The following ADK variants were observed in gnomAD, a reference collection of about 807,000 sequenced individuals.
ADK encodes adenosine kinase.
In ADK, 24 loss-of-function variants were observed where a neutral mutation model predicts 44.7. The observed-to-expected ratio is 0.54, with a 90% CI of 0.39 to 0.76. ADK has a LOEUF of 0.76. Among genes scored for constraint, ADK ranks in the 30% least tolerant of loss-of-function variants. The pLI, the probability that ADK is intolerant of heterozygous loss-of-function variation, is 0.00. For missense variants in ADK, 321 were observed against 425.1 expected (o/e 0.76, Z 2.15); for synonymous variants, 128 against 142.6 (o/e 0.90, Z 0.73).
At chr10:74,255,359 G>A (rs995847253) in intron 3 of ADK, among the ~76,000 whole-genome samples, 2 of 151,644 alleles carry the variant, frequency 1.3e-5, no homozygotes, top group Non-Finnish European at 2.9e-5. Context: ...ATTTCCAAAT[G>A]ATCACCAAAA....
intron 4 of ADK, among the ~76,000 whole-genome samples, chr10:74,361,782 A>G (rs1301263561): frequency 2.0e-5 from 3 of 152,200 alleles, no homozygotes; most frequent in Admixed American, 1.3e-4. Context: ...TTGTTTGTCT[A>G]AGAAAGTCTT....
At chr10:74,282,782 C>A (rs1042858759) in intron 3 of ADK, among the ~76,000 whole-genome samples, 1 of 152,088 alleles carries the variant, frequency 6.6e-6, no homozygotes, top group Non-Finnish European at 1.5e-5. Context: ...ATGATATCTT[C>A]TAGTATAAGA....
intron 4 of ADK, among the ~76,000 whole-genome samples, chr10:74,389,405 T>A (rs779709704): frequency 1.3e-5 from 2 of 152,236 alleles, no homozygotes; most frequent in Non-Finnish European, 2.9e-5. Flanking sequence ...TAGTTGGATG[T>A]TGGTGAAACA....
intron 6 of ADK, among the ~76,000 whole-genome samples, chr10:74,504,125 A>G (rs1361627708): frequency 6.6e-6 from 1 of 152,238 alleles, no homozygotes; most frequent in Non-Finnish European, 1.5e-5. Context: ...AGGGTACTGC[A>G]GCAGACTCAC....
chr10:74,523,942 G>A (rs529369305), intron 6 of ADK, among the ~76,000 whole-genome samples: 30 of 152,068 alleles, frequency 2.0e-4, no homozygotes, highest in African/African-American at 3.6e-4. Context: ...TTCCTTTCAC[G>A]GAAATATTCA....
intron 2 of ADK, among the ~76,000 whole-genome samples, chr10:74,215,938 G>A (rs927894002): frequency 1.3e-5 from 2 of 151,916 alleles, no homozygotes; most frequent in Admixed American, 6.6e-5. Flanking sequence ...TTACAGGCGT[G>A]AGCCACCGCG....
At chr10:74,665,432 A>T (rs1436837617) in intron 9 of ADK, among the ~76,000 whole-genome samples, 1 of 151,962 alleles carries the variant, frequency 6.6e-6, no homozygotes, top group African/African-American at 2.4e-5. Context: ...GTAGTGACTG[A>T]ATTTTACCTT....
chr10:74,491,933 C>G (rs1206851343), intron 6 of ADK, among the ~76,000 whole-genome samples: 2 of 151,990 alleles, frequency 1.3e-5, no homozygotes, highest in Non-Finnish European at 2.9e-5. Flanking sequence ...CAAGACAAGT[C>G]TCAGAGTTGT....
chr10:74,532,231 C>T (rs1355648015), intron 7 of ADK, among the ~76,000 whole-genome samples: 1 of 151,960 alleles, frequency 6.6e-6, no homozygotes, highest in Admixed American at 6.6e-5. Context: ...GGCATGGTGG[C>T]TCATGCCTGC....
chr10:74,480,879 A>G (rs1589154248), intron 6 of ADK, among the ~76,000 whole-genome samples: 1 of 152,140 alleles, frequency 6.6e-6, no homozygotes, highest in African/African-American at 2.4e-5. Context: ...TTCTTAGACT[A>G]TATTTTAAAT....
intron 4 of ADK, among the ~76,000 whole-genome samples, chr10:74,359,764 T>G (rs889655694): frequency 6.6e-6 from 1 of 152,170 alleles, no homozygotes; most frequent in Non-Finnish European, 1.5e-5. Context: ...AACAACAGTC[T>G]TTCAATTCCA....
intron 6 of ADK, among the ~76,000 whole-genome samples, chr10:74,405,912 C>G (rs10824170): frequency 0.64 from 97,429 of 151,866 alleles, 32,674 homozygotes; most frequent in Middle Eastern, 0.8. Flanking sequence ...CAGGTACTGA[C>G]CTTAAGAAAA....
intron 9 of ADK, among the ~76,000 whole-genome samples, chr10:74,613,938 T>A (rs1042041269): frequency 6.6e-6 from 1 of 152,128 alleles, no homozygotes; most frequent in Non-Finnish European, 1.5e-5. Flanking sequence ...TCTTTTAAAA[T>A]GTCTTGTATG....
chr10:74,228,495 C>A (rs1355005992), intron 3 of ADK, among the ~76,000 whole-genome samples: 6 of 152,044 alleles, frequency 3.9e-5, no homozygotes, highest in Admixed American at 3.9e-4. Flanking sequence ...CACTATTTTA[C>A]TAAGTATTTT....
intron 7 of ADK, among the ~76,000 whole-genome samples, chr10:74,532,706 G>A (rs571947125): frequency 6.6e-6 from 1 of 151,866 alleles, no homozygotes; most frequent in Admixed American, 6.6e-5. Flanking sequence ...TTCTAGACCA[G>A]TGTGGCCAAC....
intron 3 of ADK, among the ~76,000 whole-genome samples, chr10:74,242,374 T>C (rs191951532): frequency 4.6e-5 from 7 of 152,364 alleles, no homozygotes; most frequent in Non-Finnish European, 1.0e-4. Context: ...CTTTGTTTAT[T>C]TGTGTTTGTT....
At chr10:74,655,959 C>A in intron 9 of ADK, 1 of 698,964 alleles carries the variant, frequency 1.4e-6, no homozygotes, top group East Asian at 2.8e-5. Flanking sequence ...GCAACTCCTC[C>A]TGGGCAAGGT....
At chr10:74,219,334 A>T (rs1441183506) in intron 2 of ADK, among the ~76,000 whole-genome samples, 1 of 152,140 alleles carries the variant, frequency 6.6e-6, no homozygotes, top group African/African-American at 2.4e-5. Flanking sequence ...CTAAATATAT[A>T]TGCACCCAAT....
chr10:74,405,265 A>G (rs1400050372), intron 6 of ADK, among the ~76,000 whole-genome samples: 1 of 152,054 alleles, frequency 6.6e-6, no homozygotes, highest in African/African-American at 2.4e-5. Context: ...CTGCAACTAT[A>G]TCAGTTCCTG....
Sources: gnomAD v4.1 joint callset for allele counts (sites outside exome capture counted in the v4.1 genomes callset) on GRCh38, gnomAD v4.1.1 for gene constraint, MANE v1.5 for transcripts, NCBI Gene and HGNC (gene_info 2026-07-23, HGNC 2026-07-21) for gene names.